TSNARE1: variants seen among roughly 807,000 people sequenced by gnomAD.
TSNARE1 encodes the protein t-SNARE domain-containing protein 1.
TSNARE1 carries 49 observed loss-of-function variants against 62.0 expected under a neutral mutation model. That is an observed-to-expected ratio of 0.79 (90% confidence interval 0.63 to 1.00). The LOEUF is 1.00. TSNARE1 is among the 50% of genes least tolerant of loss of function. The probability of loss-of-function intolerance (pLI) is 0.00; values close to 1 mark genes in which losing one functional copy is unlikely to be tolerated. For synonymous variants in TSNARE1, 328 were observed against 294.4 expected (o/e 1.11, Z -1.17); for missense variants, 755 against 700.1 (o/e 1.08, Z -0.88).
In TSNARE1 at chr8:142,273,336, G is replaced by A. The variant is rs1196527999; in HGVS notation, c.1446+1445C>T. 3 of 985,282 alleles carry A rather than the reference G, an allele frequency of 3.0e-6. No homozygotes were observed. The African/African-American group carries it at 5.2e-5, about 17-fold the overall frequency. 61.0% of individuals were successfully genotyped at this position (985,282 alleles called of 1,614,324 possible). A position where few individuals can be genotyped will look rare whatever the true frequency, so the allele number is the denominator to read the frequency against. ...CTTGAAACAAGGCCTTCTGCGTGGT[G>A]TGGCCCTGAGTTTCCAGCGAGTCCA... is the stretch of plus-strand genomic sequence containing the variant. On this transcript the variant is annotated intron_variant, in intron 12 of 13. Coordinates refer to ENST00000524325, the MANE Select transcript of TSNARE1 (RefSeq NM_145003.5).
intron 2 of TSNARE1, among the ~76,000 whole-genome samples, chr8:142,353,375 G>A (rs1834353897): frequency 6.6e-6 from 1 of 152,194 alleles, no homozygotes; most frequent in Admixed American, 6.5e-5. Flanking sequence ...CGGCGGGAAG[G>A]AGGAAAGGGA....
At chr8:142,221,983 ACTCATTCACTCACTCACT>A in intron 13 of TSNARE1, among the ~76,000 whole-genome samples, 1 of 82,404 alleles carries the variant, frequency 1.2e-5, no homozygotes, top group African/African-American at 3.3e-5. Flanking sequence ...CCACTCACTC[ACTCATTCACTCACTCACT>A]GATTCACTCA....
intron 12 of TSNARE1, 85 bp downstream of exon 12, chr8:142,274,696 C>A: frequency 7.2e-7 from 1 of 1,391,718 alleles, no homozygotes; most frequent in African/African-American, 1.5e-5. Context: ...AGGGCCTGGG[C>A]CCCTCCAGAC....
intron 1 of TSNARE1, among the ~76,000 whole-genome samples, chr8:142,391,055 C>T (rs1374064010): frequency 4.8e-5 from 7 of 145,522 alleles, no homozygotes; most frequent in South Asian, 2.2e-4. Flanking sequence ...CTGTAACAGA[C>T]GCTGTACACT....
At chr8:142,297,720 C>T (rs558465592) in intron 10 of TSNARE1, among the ~76,000 whole-genome samples, 6 of 152,364 alleles carry the variant, frequency 3.9e-5, no homozygotes, top group South Asian at 4.1e-4. Flanking sequence ...ACCTCCGCTG[C>T]GTCACAGCCT....
chr8:142,274,171 C>T (rs1222410715), intron 12 of TSNARE1: 2 of 985,290 alleles, frequency 2.0e-6, no homozygotes, highest in African/African-American at 3.5e-5. Context: ...TGGGGAGCAC[C>T]AGGCCACAAT....
At chr8:142,366,011 C>G (rs1835522900) in intron 1 of TSNARE1, 1 of 394,082 alleles carries the variant, frequency 2.5e-6, no homozygotes, top group Non-Finnish European at 4.9e-6. Flanking sequence ...AAAATTGTCC[C>G]AGGACACTGA....
At chr8:142,250,632 G>A (rs1285663476) in intron 12 of TSNARE1, among the ~76,000 whole-genome samples, 1 of 152,218 alleles carries the variant, frequency 6.6e-6, no homozygotes, top group Non-Finnish European at 1.5e-5. Flanking sequence ...CTTGCTGGAT[G>A]CACCTGAAGC....
At chr8:142,279,077 G>C (rs1391508818) in intron 11 of TSNARE1, among the ~76,000 whole-genome samples, 1 of 152,230 alleles carries the variant, frequency 6.6e-6, no homozygotes, top group Non-Finnish European at 1.5e-5. Flanking sequence ...CTCTGGGGCT[G>C]GGGGAGAGCG....
chr8:142,300,454 A>G (rs200718179), intron 10 of TSNARE1, 32 bp downstream of exon 10: 7 of 1,579,940 alleles, frequency 4.4e-6, no homozygotes, highest in South Asian at 1.1e-5. Flanking sequence ...TGGAGTGTGG[A>G]GAGTGAGCAC....
At chr8:142,295,402 C>T (rs987001952) in intron 10 of TSNARE1, among the ~76,000 whole-genome samples, 11 of 152,204 alleles carry the variant, frequency 7.2e-5, no homozygotes, top group East Asian at 3.9e-4. Flanking sequence ...TGCACTGAGC[C>T]GGCCCCAGGT....
chr8:142,317,521 C>T (rs1227054197), intron 7 of TSNARE1, among the ~76,000 whole-genome samples: 1 of 152,262 alleles, frequency 6.6e-6, no homozygotes, highest in Non-Finnish European at 1.5e-5. Context: ...CGGGTTCGGG[C>T]CAGCAGGCTG....
At chr8:142,354,790 A>G in intron 1 of TSNARE1, 27 bp from the exon 2 acceptor site, 1 of 1,326,786 alleles carries the variant, frequency 7.5e-7, no homozygotes, top group Non-Finnish European at 1.1e-6. Context: ...AAGCAGGGGG[A>G]AGAGGGGGAA....
intron 1 of TSNARE1, among the ~76,000 whole-genome samples, chr8:142,361,925 C>A (rs1835194115): frequency 6.6e-6 from 1 of 152,228 alleles, no homozygotes; most frequent in Admixed American, 6.5e-5. Flanking sequence ...CAAATTTCTG[C>A]TCTCCAAAGC....
chr8:142,349,782 G>A (rs753423236), intron 2 of TSNARE1, among the ~76,000 whole-genome samples: 1 of 152,210 alleles, frequency 6.6e-6, no homozygotes, highest in Non-Finnish European at 1.5e-5. Flanking sequence ...TGACCACCAG[G>A]CCGGAGGTCT....
At chr8:142,212,693 C>G (rs1815611117) in intron 13 of TSNARE1, among the ~76,000 whole-genome samples, 1 of 151,954 alleles carries the variant, frequency 6.6e-6, no homozygotes, top group East Asian at 1.9e-4. Flanking sequence ...GCCTGGCGCA[C>G]CCACCGGCCC....
intron 1 of TSNARE1, among the ~76,000 whole-genome samples, chr8:142,381,265 C>T (rs1836721674): frequency 1.3e-5 from 2 of 152,258 alleles, no homozygotes; most frequent in Admixed American, 6.5e-5. Flanking sequence ...CATGGGCAGC[C>T]CAAGGCCATG....
At chr8:142,227,167 C>A (rs1160872228) in intron 13 of TSNARE1, among the ~76,000 whole-genome samples, 1 of 150,566 alleles carries the variant, frequency 6.6e-6, no homozygotes, top group Non-Finnish European at 1.5e-5. Flanking sequence ...AGGACCTCCA[C>A]TGTGCCCACA....
At chr8:142,335,293 C>A (rs948962180) in intron 4 of TSNARE1, among the ~76,000 whole-genome samples, 2 of 150,948 alleles carry the variant, frequency 1.3e-5, no homozygotes, top group African/African-American at 4.9e-5. Flanking sequence ...TATAAATGAC[C>A]CGTGGTCCTG....
Sources: allele counts gnomAD v4.1 joint callset (sites outside exome capture counted in the v4.1 genomes callset), GRCh38; gene constraint gnomAD v4.1.1; transcripts MANE v1.5; gene names NCBI Gene and HGNC (gene_info 2026-07-23, HGNC 2026-07-21).